The following RAP1GAP2 variants were observed in gnomAD, a reference collection of about 807,000 sequenced individuals.
The protein encoded by RAP1GAP2 is rap1 GTPase-activating protein 2.
RAP1GAP2 carries 27 observed loss-of-function variants against 95.0 expected under a neutral mutation model. The observed-to-expected ratio is 0.28, with a 90% CI of 0.21 to 0.39. RAP1GAP2 has a LOEUF of 0.39. Ranked by LOEUF, RAP1GAP2 falls within the 10% of genes least tolerant of loss-of-function variation. RAP1GAP2 has a pLI of 1.00. For missense variants in RAP1GAP2, 771 were observed against 970.0 expected (o/e 0.79, Z 2.72); for synonymous variants, 373 against 380.9 (o/e 0.98, Z 0.24).
At chr17:2,941,746 G>A (rs1038900403) in intron 3 of RAP1GAP2, among the ~76,000 whole-genome samples, 4 of 148,670 alleles carry the variant, frequency 2.7e-5, no homozygotes, top group Non-Finnish European at 5.9e-5. Context: ...TCGGCTCACC[G>A]CAACCTCCTC....
intron 2 of RAP1GAP2, among the ~76,000 whole-genome samples, chr17:2,813,853 C>T (rs1308449055): frequency 6.6e-6 from 1 of 151,990 alleles, no homozygotes; most frequent in Admixed American, 6.6e-5. Context: ...ATCGTAGCTA[C>T]TCGGGAGGCT....
chr17:2,907,858 G>A (rs2042249348), intron 3 of RAP1GAP2, among the ~76,000 whole-genome samples: 1 of 152,144 alleles, frequency 6.6e-6, no homozygotes, highest in African/African-American at 2.4e-5. Context: ...CCGAGCCAGA[G>A]TGCAGTGGCG....
intron 3 of RAP1GAP2, among the ~76,000 whole-genome samples, chr17:2,957,061 G>C (rs1190482986): frequency 6.6e-6 from 1 of 151,696 alleles, no homozygotes; most frequent in Non-Finnish European, 1.5e-5. Flanking sequence ...CCGGGAGGCG[G>C]AGGTTGCAGT....
intron 2 of RAP1GAP2, among the ~76,000 whole-genome samples, chr17:2,884,372 G>GTTT (rs72123618): frequency 0.15 from 18,583 of 123,458 alleles, 1,573 homozygotes; most frequent in Non-Finnish European, 0.19. Context: ...TTCTTGAGTT[G>GTTT]TTTTTTTTTT....
chr17:2,761,035 AC>A (rs1205734134), intron 1 of RAP1GAP2, among the ~76,000 whole-genome samples: 2 of 150,850 alleles, frequency 1.3e-5, no homozygotes, highest in African/African-American at 4.9e-5. Flanking sequence ...GCACACTGCA[AC>A]CTCCGCCTCC....
chr17:2,846,638 T>C (rs2071600943), intron 2 of RAP1GAP2, among the ~76,000 whole-genome samples: 1 of 151,828 alleles, frequency 6.6e-6, no homozygotes, highest in Non-Finnish European at 1.5e-5. Context: ...GTGTAGAGCA[T>C]GCATGTTCAC....
At chr17:3,020,332 C>G in intron 18 of RAP1GAP2, 145 bp from the exon 19 acceptor site, 1 of 667,622 alleles carries the variant, frequency 1.5e-6, no homozygotes, top group Non-Finnish European at 2.7e-6. Context: ...GCTTCAGTTA[C>G]ATAGATCTCA....
chr17:2,869,019 C>G (rs2072733241), intron 2 of RAP1GAP2, among the ~76,000 whole-genome samples: 1 of 152,122 alleles, frequency 6.6e-6, no homozygotes, highest in African/African-American at 2.4e-5. Context: ...TCGCCATGTT[C>G]TCACATAGCG....
chr17:2,786,082 GGA>G (rs1404117907), intron 1 of RAP1GAP2, among the ~76,000 whole-genome samples: 1 of 151,960 alleles, frequency 6.6e-6, no homozygotes. Flanking sequence ...TGTATTTTTA[GGA>G]GAGACGGGGT....
Position 2,825,146 on chromosome 17 carries a change from C to G in RAP1GAP2, c.80+24596C>G, listed in dbSNP as rs2070492193. ...ATGGGGTCTTGCTATGCTGTCCAGG[C>G]TGGTCTTGAACTCCTGGCCTCAAGT... is the stretch of plus-strand genomic sequence containing the variant. On this transcript the variant is annotated intron_variant, in intron 2 of 24. Coordinates refer to ENST00000254695, the MANE Select transcript of RAP1GAP2 (RefSeq NM_015085.5). The surrounding 1 kb of genome is among the most constrained non-coding windows in gnomAD (Gnocchi z 4.1). 6.6e-6 allele frequency among the ~76,000 whole-genome samples: 1 copy of G among 152,118 alleles called. No homozygotes were observed. The highest frequency in any genetic ancestry group is 1.5e-5 in the Non-Finnish European group (1 of 68,036).
At chr17:3,025,404 T>A (rs1022238293) in intron 19 of RAP1GAP2, among the ~76,000 whole-genome samples, 4 of 152,152 alleles carry the variant, frequency 2.6e-5, no homozygotes. Flanking sequence ...GACACGGCCA[T>A]CCCATCCCCA....
upstream of RAP1GAP2, among the ~76,000 whole-genome samples, chr17:2,791,851 T>TTC (rs1219362364): frequency 7.9e-5 from 12 of 151,320 alleles, no homozygotes; most frequent in African/African-American, 2.4e-4. Context: ...CGCTTCCCTT[T>TTC]TCTCTCTTTT....
intron 1 of RAP1GAP2, among the ~76,000 whole-genome samples, chr17:2,760,401 C>T (rs530240103): frequency 3.3e-5 from 5 of 150,648 alleles, no homozygotes; most frequent in African/African-American, 4.9e-5. Flanking sequence ...AGTGTAGTGG[C>T]GCAATCTCAG....
chr17:2,995,188 T>C (rs2045909735), intron 12 of RAP1GAP2, 149 bp from the exon 13 acceptor site: 2 of 941,246 alleles, frequency 2.1e-6, no homozygotes, highest in Admixed American at 4.4e-5. Context: ...TCTACCTGCT[T>C]TTCCCACATC....
At position 2,889,889 on chromosome 17, in the gene RAP1GAP2, A is replaced by ATATATTTTTTT. The variant is rs1408426152; in HGVS notation, c.81-15394_81-15393insATATTTTTTTT. Among the ~76,000 whole-genome samples the ATATATTTTTTT allele has an allele frequency of 2.4e-3, 135 of 57,276 alleles. 2 individuals carry two copies. Among genetic ancestry groups the ATATATTTTTTT allele is most frequent in the East Asian group, 7.0e-3 (11 of 1,574 alleles). The allele number at this position is 57,276 out of a possible 152,430, so 37.6% of individuals were successfully genotyped here. On this transcript the variant is annotated intron_variant, in intron 2 of 24. Transcript: ENST00000254695. ...TATATATATATATATATATATATAT[A>ATATATTTTTTT]TTTTTTTTTTTTTTTGTAGAGATGG... is the stretch of plus-strand genomic sequence containing the variant.
chr17:2,831,171 G>A (rs912510616), intron 2 of RAP1GAP2, among the ~76,000 whole-genome samples: 19 of 137,114 alleles, frequency 1.4e-4, no homozygotes, highest in Admixed American at 3.0e-4. Flanking sequence ...TCTGCCTCCC[G>A]GGTTCAAGGA....
chr17:2,939,698 G>GT, intron 3 of RAP1GAP2, among the ~76,000 whole-genome samples: 1 of 152,090 alleles, frequency 6.6e-6, no homozygotes, highest in East Asian at 1.9e-4. Context: ...CAGGGATGGA[G>GT]GGGGGAGGCT....
At chr17:2,920,663 G>A (rs541700360) in intron 3 of RAP1GAP2, among the ~76,000 whole-genome samples, 6 of 152,258 alleles carry the variant, frequency 3.9e-5, no homozygotes, top group Admixed American at 1.3e-4. Context: ...GCAGGCGGAC[G>A]AGGGCTTCGT....
intron 22 of RAP1GAP2, among the ~76,000 whole-genome samples, chr17:3,028,856 A>G (rs2047206742): frequency 1.3e-5 from 2 of 152,128 alleles, no homozygotes; most frequent in Admixed American, 1.3e-4. Flanking sequence ...GCTGGAGTGC[A>G]ATGGCGCAAT....
Sources: gnomAD v4.1 joint callset for allele counts (sites outside exome capture counted in the v4.1 genomes callset) on GRCh38, gnomAD v4.1.1 for gene constraint, Gnocchi (gnomAD v3.1) non-coding constraint, MANE v1.5 for transcripts, NCBI Gene and HGNC (gene_info 2026-07-23, HGNC 2026-07-21) for gene names.